SUFU: variants seen among roughly 807,000 people sequenced by gnomAD.
SUFU encodes the protein suppressor of fused homolog.
Under a neutral mutation model 58.9 loss-of-function variants are expected in SUFU, and 7 were observed. That is an observed-to-expected ratio of 0.12 (90% CI 0.07 to 0.22). The LOEUF is 0.22. Among genes scored for constraint, SUFU ranks in the 10% least tolerant of loss-of-function variants. SUFU has a pLI of 1.00. For synonymous variants in SUFU, 232 were observed against 254.8 expected (o/e 0.91, Z 0.85); for missense variants, 451 against 641.3 (o/e 0.70, Z 3.20).
chr10:102,538,238 C>G (rs1202205848), intron 2 of SUFU, among the ~76,000 whole-genome samples: 1 of 152,178 alleles, frequency 6.6e-6, no homozygotes, highest in African/African-American at 2.4e-5. Flanking sequence ...CTTGTAATGT[C>G]CTACCACATA....
intron 3 of SUFU, among the ~76,000 whole-genome samples, chr10:102,568,903 TATATATATATATATATACAC>T (rs1158043872): frequency 0.31 from 5,455 of 17,688 alleles, 619 homozygotes; most frequent in Admixed American, 0.36. Flanking sequence ...AAAAAATATA[TATATATATATATATATACAC>T]ATATATATAT....
chr10:102,590,393 CTGACCTCG>C (rs2063386872), intron 3 of SUFU, among the ~76,000 whole-genome samples: 1 of 151,894 alleles, frequency 6.6e-6, no homozygotes, highest in Non-Finnish European at 1.5e-5. Context: ...TCTTGAACTC[CTGACCTCG>C]TGATCCGCGT....
At chr10:102,549,878 C>A in intron 2 of SUFU, 92 bp from the exon 3 acceptor site, 1 of 1,520,196 alleles carries the variant, frequency 6.6e-7, no homozygotes, top group Admixed American at 1.7e-5. Flanking sequence ...GATACTGAGG[C>A]CACCATAAAA....
At chr10:102,597,071 T>A in intron 6 of SUFU, 69 bp from the exon 7 acceptor site, 1 of 1,587,686 alleles carries the variant, frequency 6.3e-7, no homozygotes, top group Non-Finnish European at 8.6e-7. Flanking sequence ...GAGCAGTGGC[T>A]GAAAGGGTGG....
intron 2 of SUFU, among the ~76,000 whole-genome samples, chr10:102,544,378 A>C (rs1190959404): frequency 6.6e-6 from 1 of 152,198 alleles, no homozygotes; most frequent in African/African-American, 2.4e-5. Flanking sequence ...AAGGTTACAC[A>C]ACCAGTACAT....
At chr10:102,533,655 C>T (rs11191321) in intron 2 of SUFU, among the ~76,000 whole-genome samples, 46,377 of 152,030 alleles carry the variant, frequency 0.31, 7,358 homozygotes, top group Admixed American at 0.36. Flanking sequence ...CCTTAGCTCA[C>T]GGCCACTCCC....
upstream of SUFU, chr10:102,502,860 A>T: frequency 1.7e-6 from 1 of 596,084 alleles, no homozygotes; most frequent in South Asian, 2.0e-5. Context: ...TGGGAGTCGC[A>T]TTTCCAATGC....
At chr10:102,553,238 T>A (rs1441025360) in intron 3 of SUFU, among the ~76,000 whole-genome samples, 1 of 152,126 alleles carries the variant, frequency 6.6e-6, no homozygotes, top group Non-Finnish European at 1.5e-5. Flanking sequence ...GTTTAAATAA[T>A]GGGAAAATGA....
At chr10:102,593,518 G>A in intron 4 of SUFU, 118 bp from the exon 5 acceptor site, 1 of 1,015,176 alleles carries the variant, frequency 9.9e-7, no homozygotes, top group African/African-American at 1.6e-5. Context: ...CAGCTCCTGA[G>A]CACAGATCCT....
Position 102,515,243 on chromosome 10 carries a change from G to A in SUFU, c.317+5940G>A, listed in dbSNP as rs1358459781. Among the ~76,000 whole-genome samples the A allele has an allele frequency of 4.0e-5, 6 of 151,144 alleles. No individual in the cohort carries two copies. In the East Asian group the frequency reaches 1.2e-3, roughly 29 times the overall value. On this transcript the variant is annotated intron_variant, in intron 2 of 11. Coordinates refer to ENST00000369902, the MANE Select transcript of SUFU (RefSeq NM_016169.4). ...ATACAGATTAACTTTTCCACTTGTTGTTTAGTGTGGCCTCCGTCTCCTGCA... is the reference window on the plus strand; with the variant it reads ...ATACAGATTAACTTTTCCACTTGTTATTTAGTGTGGCCTCCGTCTCCTGCA...
chr10:102,542,442 ATATT>A (rs1488992407), intron 2 of SUFU, among the ~76,000 whole-genome samples: 2 of 145,608 alleles, frequency 1.4e-5, no homozygotes, highest in Non-Finnish European at 1.5e-5. Flanking sequence ...ATATATATAT[ATATT>A]TTTTTTTAAG....
At chr10:102,594,413 T>C (rs901982543) in intron 6 of SUFU, among the ~76,000 whole-genome samples, 1 of 152,138 alleles carries the variant, frequency 6.6e-6, no homozygotes, top group African/African-American at 2.4e-5. Flanking sequence ...AGACTTTCTT[T>C]TAGGGAGCCA....
At position 102,509,156 on chromosome 10, in the gene SUFU, T is replaced by G. The variant is rs749913059; in HGVS notation, c.183-13T>G. ...AGGCTTACACTAACACCCCTGTGTT[T>G]TGTTTTTTGCAGGTTGGGTGGCCCA... On this transcript the variant is annotated splice_polypyrimidine_tract_variant and intron_variant, in intron 1 of 11. Transcript: ENST00000369902. 10 of 1,613,838 alleles carry G rather than the reference T, an allele frequency of 6.2e-6. No homozygotes were observed. The highest frequency in any genetic ancestry group is 8.5e-6 in the Non-Finnish European group (10 of 1,180,030).
intron 8 of SUFU, among the ~76,000 whole-genome samples, chr10:102,600,743 C>G (rs1027796833): frequency 2.6e-5 from 4 of 152,178 alleles, no homozygotes; most frequent in Non-Finnish European, 5.9e-5. Flanking sequence ...AAAGTTGAGG[C>G]TGCCTGCTGG....
intron 3 of SUFU, among the ~76,000 whole-genome samples, chr10:102,587,311 A>G (rs771734684): frequency 1.3e-5 from 2 of 152,122 alleles, no homozygotes; most frequent in Non-Finnish European, 1.5e-5. Context: ...GCTTCATTTT[A>G]TATTCCACCA....
chr10:102,552,985 T>C (rs561424339), intron 3 of SUFU, among the ~76,000 whole-genome samples: 2 of 152,336 alleles, frequency 1.3e-5, no homozygotes, highest in Admixed American at 1.3e-4. Context: ...TAATATGTGC[T>C]CTGAGGCCCT....
At position 102,625,501 on chromosome 10, in the gene SUFU, C is replaced by G. The variant is rs1458865888; in HGVS notation, c.1297-1674C>G. On this transcript the variant is annotated intron_variant, in intron 10 of 11. Coordinates refer to ENST00000369902, the MANE Select transcript of SUFU (RefSeq NM_016169.4). The surrounding 1 kb of genome is among the most constrained non-coding windows in gnomAD (Gnocchi z 4.7). ...CTTGTCCTGGTGGGAAATGAGCTGCCTTCATGCCTGTGTCCCTGGAAGGAT... is the reference window on the plus strand; with the variant it reads ...CTTGTCCTGGTGGGAAATGAGCTGCGTTCATGCCTGTGTCCCTGGAAGGAT... Among the ~76,000 whole-genome samples the G allele has an allele frequency of 6.6e-6, 1 of 152,138 alleles. No homozygotes were observed. Among genetic ancestry groups the G allele is most frequent in the Non-Finnish European group, 1.5e-5 (1 of 68,030 alleles).
chr10:102,555,974 T>C (rs2062971643), intron 3 of SUFU, among the ~76,000 whole-genome samples: 1 of 152,194 alleles, frequency 6.6e-6, no homozygotes, highest in Non-Finnish European at 1.5e-5. Flanking sequence ...TTAAACTTAG[T>C]GAGTTTATGG....
rs969414773 is a variant in SUFU, at chr10:102,555,662, A to G, written c.454+5556A>G. ...GTGGGACCTTGTAGTAAATCCTTTA[A>G]TAAGGTGAAGAATCTTTCTATAGTG... On this transcript the variant is annotated intron_variant, in intron 3 of 11. Coordinates refer to ENST00000369902, the MANE Select transcript of SUFU (RefSeq NM_016169.4). Among the ~76,000 whole-genome samples, 3 of 152,190 alleles carry G rather than the reference A, an allele frequency of 2.0e-5. No individual in the cohort carries two copies. In the East Asian group the frequency reaches 5.8e-4, roughly 29 times the overall value.
Sources: allele counts gnomAD v4.1 joint callset (sites outside exome capture counted in the v4.1 genomes callset), GRCh38; gene constraint gnomAD v4.1.1; non-coding constraint Gnocchi (gnomAD v3.1); transcripts MANE v1.5; gene names NCBI Gene and HGNC (gene_info 2026-07-23, HGNC 2026-07-21).